The following DOK6 variants were observed in gnomAD, a reference collection of about 807,000 sequenced individuals.
DOK6 encodes the protein downstream of tyrosine kinase 6.
DOK6 carries 22 observed loss-of-function variants against 44.0 expected under a neutral mutation model. The ratio of observed to expected loss-of-function variants is 0.50; its 90% CI spans 0.36 to 0.71. The LOEUF (loss-of-function observed/expected upper bound fraction) is 0.71, where lower values mean the gene tolerates loss of function less well. Ranked by LOEUF, DOK6 falls within the 30% of genes least tolerant of loss-of-function variation. The pLI, the probability that DOK6 is intolerant of heterozygous loss-of-function variation, is 0.00. For missense variants in DOK6, 340 were observed against 416.4 expected (o/e 0.82, Z 1.60); for synonymous variants, 166 against 145.5 (o/e 1.14, Z -1.01).
At chr18:69,749,930 G>A (rs1324643053) in intron 6 of DOK6, among the ~76,000 whole-genome samples, 7 of 144,730 alleles carry the variant, frequency 4.8e-5, no homozygotes, top group Admixed American at 2.7e-4. Context: ...GCGACAGAGC[G>A]AGACTCCATC....
At chr18:69,781,170 T>C (rs1461071765) in intron 7 of DOK6, 1 of 152,226 alleles carries the variant, frequency 6.6e-6, no homozygotes, top group African/African-American at 2.4e-5. Flanking sequence ...GACAGTTTTT[T>C]CTAGACTTCA....
rs1916214114 is a variant in DOK6, at chr18:69,406,784, TA to T, written c.66+5480del. Among the ~76,000 whole-genome samples the T allele has an allele frequency of 2.0e-5, 3 of 151,952 alleles. No homozygotes were observed. The South Asian group carries it at 6.2e-4, about 31-fold the overall frequency. ...GATCAGTATAAAATAGAATACGGAA[TA>T]AAAAATTAGTTTAGGCTGGGTGCGG... On this transcript the variant is annotated intron_variant, in intron 1 of 7. Coordinates refer to ENST00000382713, the MANE Select transcript of DOK6 (RefSeq NM_152721.6).
intron 1 of DOK6, among the ~76,000 whole-genome samples, chr18:69,461,403 G>A (rs1046192522): frequency 1.8e-4 from 27 of 152,040 alleles, no homozygotes; most frequent in African/African-American, 6.5e-4. Flanking sequence ...TCCACCATGG[G>A]AACAGCTGGC....
chr18:69,578,200 C>A (rs1983282712), intron 2 of DOK6, among the ~76,000 whole-genome samples: 1 of 151,918 alleles, frequency 6.6e-6, no homozygotes, highest in South Asian at 2.1e-4. Flanking sequence ...TAAATTTATC[C>A]ATTTTTTCTT....
At chr18:69,425,133 G>A (rs909628061) in intron 1 of DOK6, among the ~76,000 whole-genome samples, 9 of 152,084 alleles carry the variant, frequency 5.9e-5, no homozygotes, top group African/African-American at 1.9e-4. Flanking sequence ...AGGAAGGGTC[G>A]GCGTGAGCAG....
At position 69,528,100 on chromosome 18, in the gene DOK6, T is replaced by C. The variant is rs574034830; in HGVS notation, c.67-36387T>C. Among the ~76,000 whole-genome samples the C allele has an allele frequency of 1.3e-4, 19 of 150,742 alleles. No homozygotes were observed. In the South Asian group the frequency reaches 4.0e-3, roughly 32 times the overall value. On this transcript the variant is annotated intron_variant, in intron 1 of 7. Transcript: ENST00000382713. ...ATGGCTTGAACCCGGGAGGTGGAGC[T>C]TGCAGTGATCCGAGATAGTGCCACT...
intron 5 of DOK6, among the ~76,000 whole-genome samples, chr18:69,721,968 A>C (rs1439721674): frequency 6.6e-6 from 1 of 152,206 alleles, no homozygotes; most frequent in Non-Finnish European, 1.5e-5. Flanking sequence ...TTAATAAGAG[A>C]AAATTTAGAC....
intron 7 of DOK6, among the ~76,000 whole-genome samples, chr18:69,799,865 C>T (rs1240419995): frequency 6.6e-6 from 1 of 152,040 alleles, no homozygotes; most frequent in East Asian, 1.9e-4. Context: ...TGAGCAACCT[C>T]TAAACTTAAC....
rs2145145349 is a variant in DOK6, at chr18:69,845,552, T to C, written c.*4169T>C. ...GTGTGTGTTTGCAGACTATGAAATG[T>C]ATGAAGTGCAGTCTCCCATGGAGAG... On this transcript the variant is annotated 3_prime_UTR_variant, in exon 8 of 8. Coordinates refer to ENST00000382713, the MANE Select transcript of DOK6 (RefSeq NM_152721.6). The C allele has an allele frequency of 6.6e-6, 1 of 152,338 alleles. No individual in the cohort carries two copies. Among genetic ancestry groups the C allele is most frequent in the Admixed American group, 6.5e-5 (1 of 15,308 alleles). The allele number at this position is 152,338 out of a possible 1,614,324, so 9.4% of individuals were successfully genotyped here.
rs1315347230 is a variant in DOK6 at position 69,685,218 on chromosome 18, G to A, written c.409+7365G>A. The stretch of plus-strand genomic sequence containing the variant: ...TCATTTTTTGGTATACGTAAGTTTC[G>A]ATTATCCATTTTTTTTTCCTGCTGT... On this transcript the variant is annotated intron_variant, in intron 4 of 7. Transcript: ENST00000382713. Among the ~76,000 whole-genome samples, 4 of 151,928 alleles carry A rather than the reference G, an allele frequency of 2.6e-5. No homozygotes were observed. In the East Asian group the frequency reaches 5.8e-4, roughly 22 times the overall value.
At chr18:69,420,892 A>G (rs183459129) in intron 1 of DOK6, among the ~76,000 whole-genome samples, 2 of 152,238 alleles carry the variant, frequency 1.3e-5, no homozygotes, top group African/African-American at 2.4e-5. Context: ...CCTATTTTAT[A>G]TAGTTTTTCC....
At chr18:69,437,205 G>T (rs940521371) in intron 1 of DOK6, among the ~76,000 whole-genome samples, 1 of 152,118 alleles carries the variant, frequency 6.6e-6, no homozygotes, top group Admixed American at 6.5e-5. Flanking sequence ...CATTGCTTTT[G>T]GTGTTATAGT....
At chr18:69,773,906 C>A (rs973518808) in intron 7 of DOK6, among the ~76,000 whole-genome samples, 8 of 150,968 alleles carry the variant, frequency 5.3e-5, no homozygotes, top group African/African-American at 1.9e-4. Flanking sequence ...GCAATCCTAC[C>A]ATTGGGTACC....
At chr18:69,507,274 A>G (rs529860190) in intron 1 of DOK6, among the ~76,000 whole-genome samples, 16 of 152,000 alleles carry the variant, frequency 1.1e-4, no homozygotes, top group Middle Eastern at 3.4e-3. Flanking sequence ...TGATCCGCCC[A>G]CCTCGGCCTC....
chr18:69,434,416 G>C (rs919225860), intron 1 of DOK6, among the ~76,000 whole-genome samples: 61 of 152,126 alleles, frequency 4.0e-4, no homozygotes, highest in African/African-American at 1.4e-3. Flanking sequence ...GAAGTAACAA[G>C]TGCCCTACAT....
chr18:69,406,515 T>A (rs1011735687), intron 1 of DOK6, among the ~76,000 whole-genome samples: 1 of 152,204 alleles, frequency 6.6e-6, no homozygotes, highest in Non-Finnish European at 1.5e-5. Context: ...GTTATCAAGA[T>A]TCACATCTCA....
intron 1 of DOK6, among the ~76,000 whole-genome samples, chr18:69,411,331 G>C (rs1416011362): frequency 6.6e-6 from 1 of 152,090 alleles, no homozygotes; most frequent in African/African-American, 2.4e-5. Context: ...AATGTTCATT[G>C]TCAAATTAAC....
Position 69,401,155 on chromosome 18 carries a change from G to T in DOK6, c.-90G>T. On this transcript the variant is annotated 5_prime_UTR_variant, in exon 1 of 8. Transcript: ENST00000382713. Reference sequence around the variant, plus strand: ...CGCTGCTGCTGGCGGCGGCCGGCTGGATGCGAGACCCGCGCAGACCCGGCG... The same window carrying T: ...CGCTGCTGCTGGCGGCGGCCGGCTGTATGCGAGACCCGCGCAGACCCGGCG... The T allele has an allele frequency of 3.1e-6, 4 of 1,308,412 alleles. No individual in the cohort carries two copies. The highest frequency in any genetic ancestry group is 4.0e-6 in the Non-Finnish European group (4 of 1,009,638). The allele number at this position is 1,308,412 out of a possible 1,614,324, so 81.1% of individuals were successfully genotyped here. A position where few individuals can be genotyped will look rare whatever the true frequency, so the allele number is the denominator to read the frequency against.
chr18:69,474,498 A>G (rs1156977293), intron 1 of DOK6, among the ~76,000 whole-genome samples: 1 of 152,204 alleles, frequency 6.6e-6, no homozygotes, highest in Admixed American at 6.5e-5. Context: ...ATGTGCTTCG[A>G]TCTTTAAAAT....
Sources: allele counts gnomAD v4.1 joint callset (sites outside exome capture counted in the v4.1 genomes callset), GRCh38; gene constraint gnomAD v4.1.1; transcripts MANE v1.5; gene names NCBI Gene and HGNC (gene_info 2026-07-23, HGNC 2026-07-21).